Variants in EIF4E observed in about 807,000 individuals in gnomAD.
The protein encoded by EIF4E is eIF-4F 25 kDa subunit.
For missense variants in EIF4E, 113 were observed against 265.6 expected, an observed-to-expected ratio of 0.43 and a Z score of 3.99; for synonymous variants, 71 against 88.5, an observed-to-expected ratio of 0.80 and a Z score of 1.11.
At chr4:98,891,561 C>T (rs939065240) in intron 2 of EIF4E, 4 of 537,958 alleles carry the variant, frequency 7.4e-6, no homozygotes, top group Admixed American at 6.9e-5. Flanking sequence ...GCCAGCCCCC[C>T]TCCAAAAAAG....
chr4:98,912,697 C>A (rs1725206224), intron 1 of EIF4E, among the ~76,000 whole-genome samples: 1 of 152,132 alleles, frequency 6.6e-6, no homozygotes, highest in Non-Finnish European at 1.5e-5. Flanking sequence ...CTGTTGACTG[C>A]AGTAACATGA....
In EIF4E at chr4:98,917,126, ACACACAC is replaced by A. The variant is rs929940662; in HGVS notation, c.18+11962_18+11968del. Among the ~76,000 whole-genome samples, 21 of 52,186 alleles carry A rather than the reference ACACACAC, an allele frequency of 4.0e-4. No individual in the cohort carries two copies. The East Asian group carries it at 4.7e-3, about 12-fold the overall frequency. 34.2% of individuals were successfully genotyped at this position (52,186 alleles called of 152,430 possible). The stretch of plus-strand genomic sequence containing the variant: ...CACACACACACACACACACACACAC[ACACACAC>A]AAAAAAAACCCAAATGCTCAAGTGT... On this transcript the variant is annotated intron_variant, in intron 1 of 6. Transcript: ENST00000450253.
intron 1 of EIF4E, among the ~76,000 whole-genome samples, chr4:98,902,325 C>T (rs914292769): frequency 5.9e-5 from 9 of 152,210 alleles, no homozygotes; most frequent in Admixed American, 3.3e-4. Flanking sequence ...CTGCCTTGGC[C>T]TCCCAAAGTG....
intron 1 of EIF4E, among the ~76,000 whole-genome samples, chr4:98,928,587 C>A (rs1187609703): frequency 2.0e-5 from 3 of 151,962 alleles, no homozygotes; most frequent in African/African-American, 7.2e-5. Flanking sequence ...GCTCCCCAGT[C>A]CACCGGTCTA....
intron 2 of EIF4E, among the ~76,000 whole-genome samples, chr4:98,896,072 T>C (rs1560639733): frequency 6.6e-6 from 1 of 151,466 alleles, no homozygotes; most frequent in Non-Finnish European, 1.5e-5. Flanking sequence ...GGCACGCGCC[T>C]GTAGTCCCAG....
At position 98,893,881 on chromosome 4, in the gene EIF4E, C is replaced by T. The variant is rs567384532; in HGVS notation, c.126-2549G>A. Reference sequence around the variant, plus strand: ...GATCCATCAAAGGAATCACTATCTACAGCATTTAGCCTCATGAAATATAGT... The same window carrying T: ...GATCCATCAAAGGAATCACTATCTATAGCATTTAGCCTCATGAAATATAGT... On this transcript the variant is annotated intron_variant, in intron 2 of 6. Transcript: ENST00000450253. 1.2e-4 allele frequency among the ~76,000 whole-genome samples: 19 copies of T among 152,346 alleles called. No individual in the cohort carries two copies. In the South Asian group the frequency reaches 3.9e-3, roughly 32 times the overall value.
At chr4:98,904,763 C>T (rs1217278546) in intron 1 of EIF4E, among the ~76,000 whole-genome samples, 1 of 152,144 alleles carries the variant, frequency 6.6e-6, no homozygotes, top group East Asian at 1.9e-4. Context: ...AAGAGCAAAA[C>T]TCAGTCTCAA....
At chr4:98,901,805 C>T in intron 2 of EIF4E, 71 bp downstream of exon 2, 1 of 1,364,096 alleles carries the variant, frequency 7.3e-7, no homozygotes, top group Non-Finnish European at 1.0e-6. Context: ...TCTAACTTTC[C>T]CTTCAAACTT....
rs560255980 is a variant in EIF4E at position 98,917,990 on chromosome 4, C to A, written c.18+11105G>T. Among the ~76,000 whole-genome samples the A allele has an allele frequency of 2.6e-5, 4 of 152,088 alleles. No homozygotes were observed. In the South Asian group the frequency reaches 8.3e-4, roughly 32 times the overall value. On this transcript the variant is annotated intron_variant, in intron 1 of 6. Coordinates refer to ENST00000450253, the MANE Select transcript of EIF4E (RefSeq NM_001968.5). ...ACTTGGGAGGTTGAGGCAGGATGATCGCTTGAACGTGGGAGGCGGAGGTTG... is the reference window on the plus strand; with the variant it reads ...ACTTGGGAGGTTGAGGCAGGATGATAGCTTGAACGTGGGAGGCGGAGGTTG...
rs1579160551 is a variant in EIF4E, at chr4:98,896,860, G to C, written c.125+5016C>G. Among the ~76,000 whole-genome samples the C allele has an allele frequency of 3.9e-5, 6 of 152,050 alleles. No homozygotes were observed. In the South Asian group the frequency reaches 6.2e-4, roughly 16 times the overall value. On this transcript the variant is annotated intron_variant, in intron 2 of 6. Coordinates refer to ENST00000450253, the MANE Select transcript of EIF4E (RefSeq NM_001968.5). Reference sequence around the variant, plus strand: ...GTGCATGCCTGTGGGGCCCCAGCTGGGGTGGAAAGATGGCTTGGGTACGGA... The same window carrying C: ...GTGCATGCCTGTGGGGCCCCAGCTGCGGTGGAAAGATGGCTTGGGTACGGA...
At chr4:98,925,195 A>G (rs935199615) in intron 1 of EIF4E, among the ~76,000 whole-genome samples, 16 of 152,260 alleles carry the variant, frequency 1.1e-4, no homozygotes, top group Non-Finnish European at 2.1e-4. Flanking sequence ...TGATTCACTT[A>G]TGAAATTAGC....
chr4:98,927,654 C>CAAAAAAAAAAAAAAAAAAA (rs774720176), intron 1 of EIF4E, among the ~76,000 whole-genome samples: 1 of 35,050 alleles, frequency 2.9e-5, no homozygotes, highest in African/African-American at 9.9e-5. Flanking sequence ...GACTCCATCT[C>CAAAAAAAAAAAAAAAAAAA]AAAAAAAAAA....
At chr4:98,899,542 C>G (rs551640756) in intron 2 of EIF4E, among the ~76,000 whole-genome samples, 4 of 152,160 alleles carry the variant, frequency 2.6e-5, no homozygotes, top group African/African-American at 9.6e-5. Context: ...AATCTTTGTT[C>G]TAGGAGATCT....
chr4:98,890,640 T>C (rs533344657), intron 3 of EIF4E: 113 of 153,210 alleles, frequency 7.4e-4, no homozygotes, highest in Non-Finnish European at 1.4e-3. Flanking sequence ...TTAAATTTTG[T>C]TTTAAGGTCA....
intron 1 of EIF4E, among the ~76,000 whole-genome samples, chr4:98,911,661 C>CAAAAAAAAAAAAAAAAAAAAAAAAAA (rs767631331): frequency 1.7e-5 from 1 of 60,042 alleles, no homozygotes; most frequent in Non-Finnish European, 3.1e-5. Context: ...AACTCTGTCT[C>CAAAAAAAAAAAAAAAAAAAAAAAAAA]AAAAAAAAAA....
chr4:98,895,507 G>T (rs536746970), intron 2 of EIF4E: 1 of 152,270 alleles, frequency 6.6e-6, no homozygotes, highest in East Asian at 1.9e-4. Context: ...TGTCTGAAGA[G>T]CCTTCCAAAT....
chr4:98,879,363 CAA>C lies in EIF4E; in HGVS notation c.*1663_*1664del, dbSNP rs1372851349. The C allele has an allele frequency of 6.6e-6, 1 of 152,094 alleles. No individual in the cohort carries two copies. The highest frequency in any genetic ancestry group is 1.5e-5 in the Non-Finnish European group (1 of 67,988). 9.4% of individuals were successfully genotyped at this position (152,094 alleles called of 1,614,324 possible). On this transcript the variant is annotated 3_prime_UTR_variant, in exon 7 of 7. Transcript: ENST00000450253. ...TTAAGTCATAATCACCATTCAAAGA[CAA>C]ATTTTCCTCTCAAAATAATAATTTC... is the stretch of plus-strand genomic sequence containing the variant.
intron 1 of EIF4E, 87 bp downstream of exon 1, chr4:98,929,008 C>G (rs1490814650): frequency 6.4e-7 from 1 of 1,565,806 alleles, no homozygotes; most frequent in Admixed American, 1.9e-5. Context: ...CAGTGCGCGC[C>G]GGGAACGCCG....
intron 1 of EIF4E, chr4:98,926,581 T>A (rs1377230762): frequency 6.6e-6 from 1 of 152,160 alleles, no homozygotes; most frequent in Non-Finnish European, 1.5e-5. Context: ...AACTAAACAC[T>A]TCGATACTAT....
Sources: allele counts gnomAD v4.1 joint callset (sites outside exome capture counted in the v4.1 genomes callset), GRCh38; gene constraint gnomAD v4.1.1; transcripts MANE v1.5; gene names NCBI Gene and HGNC (gene_info 2026-07-23, HGNC 2026-07-21).